CNTNAP3: variants seen among roughly 807,000 people sequenced by gnomAD.
CNTNAP3 encodes contactin-associated protein-like 3.
A neutral mutation model predicts 92.1 loss-of-function variants in CNTNAP3; 36 were observed. The observed-to-expected ratio is 0.39, with a 90% CI of 0.30 to 0.52. CNTNAP3 has a LOEUF of 0.52. CNTNAP3 is among the 20% of genes least tolerant of loss of function. CNTNAP3 has a pLI of 0.76. For synonymous variants in CNTNAP3, 232 were observed against 422.3 expected (o/e 0.55, Z 5.53); for missense variants, 534 against 1,069.6 (o/e 0.50, Z 6.98).
At chr9:39,077,943 C>A (rs1233108343) in intron 23 of CNTNAP3, among the ~76,000 whole-genome samples, 4 of 152,168 alleles carry the variant, frequency 2.6e-5, no homozygotes, top group Non-Finnish European at 5.9e-5. Context: ...TGGTGGCTCA[C>A]GCCTGTGATC....
intron 13 of CNTNAP3, among the ~76,000 whole-genome samples, chr9:39,125,249 A>G (rs1305851311): frequency 6.6e-6 from 1 of 152,068 alleles, no homozygotes; most frequent in Non-Finnish European, 1.5e-5. Context: ...TCAGCAAACT[A>G]CCGCAAGGAC....
chr9:39,087,917 T>C (rs747618767), intron 19 of CNTNAP3, among the ~76,000 whole-genome samples: 9 of 152,320 alleles, frequency 5.9e-5, no homozygotes, highest in Non-Finnish European at 1.0e-4. Flanking sequence ...TTTGAGAGGT[T>C]GTCATTACAC....
At chr9:39,097,312 C>T (rs1473040875) in intron 18 of CNTNAP3, among the ~76,000 whole-genome samples, 1 of 152,046 alleles carries the variant, frequency 6.6e-6, no homozygotes, top group Non-Finnish European at 1.5e-5. Flanking sequence ...CCTCCCTCTA[C>T]CTCTTGGTTG....
Position 39,068,112 on chromosome 9 carries a change from A to G in CNTNAP3, c.*5778T>C, listed in dbSNP as rs1373954803. Among the ~76,000 whole-genome samples the G allele has an allele frequency of 6.6e-6, 1 of 152,306 alleles. No homozygotes were observed. The highest frequency in any genetic ancestry group is 2.4e-5 in the African/African-American group (1 of 41,484). The stretch of plus-strand genomic sequence containing the variant: ...TATGCAGTGCATGTGCGATATTAAA[A>G]TTTCAGGGCGGGCGCAGTGGCTTAC... On this transcript the variant is annotated 3_prime_UTR_variant, in exon 24 of 24. Coordinates refer to ENST00000297668, the MANE Select transcript of CNTNAP3 (RefSeq NM_033655.5).
In CNTNAP3 at chr9:39,067,632, G is replaced by A. The variant is rs1176940103; in HGVS notation, c.*6258C>T. 4.6e-5 allele frequency among the ~76,000 whole-genome samples: 7 copies of A among 152,388 alleles called. No homozygotes were observed. Among genetic ancestry groups the A allele is most frequent in the Admixed American group, 1.3e-4 (2 of 15,302 alleles). On this transcript the variant is annotated 3_prime_UTR_variant, in exon 24 of 24. Coordinates refer to ENST00000297668, the MANE Select transcript of CNTNAP3 (RefSeq NM_033655.5). ...AGGATGGTCTCCATCTCCCGACCTCGTGATCTGCCTGCCTCGACCTCCCAA... is the reference window on the plus strand; with the variant it reads ...AGGATGGTCTCCATCTCCCGACCTCATGATCTGCCTGCCTCGACCTCCCAA...
At chr9:39,134,457 C>T (rs1278871477) in intron 12 of CNTNAP3, among the ~76,000 whole-genome samples, 2 of 151,452 alleles carry the variant, frequency 1.3e-5, no homozygotes, top group Admixed American at 6.6e-5. Flanking sequence ...AAGAGTCTCG[C>T]TCTGTTGCCC....
At chr9:39,118,970 T>A (rs983061362) in intron 13 of CNTNAP3, among the ~76,000 whole-genome samples, 1 of 152,046 alleles carries the variant, frequency 6.6e-6, no homozygotes, top group Non-Finnish European at 1.5e-5. Flanking sequence ...AACTGCATAT[T>A]AGGACAAGGG....
intron 18 of CNTNAP3, among the ~76,000 whole-genome samples, chr9:39,095,994 CTCTT>C (rs547022489): frequency 6.6e-6 from 1 of 151,496 alleles, no homozygotes; most frequent in Non-Finnish European, 1.5e-5. Context: ...ATTTCTAGTT[CTCTT>C]TCTTTGTTCC....
At chr9:39,206,700 T>A (rs1822575290) in intron 3 of CNTNAP3, among the ~76,000 whole-genome samples, 1 of 10,090 alleles carries the variant, frequency 9.9e-5, no homozygotes, top group African/African-American at 2.0e-4. Context: ...GTCGGCCCAC[T>A]TCACCATTTT....
chr9:39,131,755 G>T (rs573262659), intron 13 of CNTNAP3, among the ~76,000 whole-genome samples: 24 of 152,184 alleles, frequency 1.6e-4, no homozygotes, highest in Non-Finnish European at 2.8e-4. Context: ...GAATCCGGGA[G>T]GGGAGGGGGT....
At chr9:39,159,580 C>T (rs1042548276) in intron 9 of CNTNAP3, 1 of 139,738 alleles carries the variant, frequency 7.2e-6, no homozygotes, top group Non-Finnish European at 1.5e-5. Flanking sequence ...GATCCGCCGG[C>T]CTCAGCCTCC....
chr9:39,138,352 G>T (rs1200327105), intron 12 of CNTNAP3, among the ~76,000 whole-genome samples: 1 of 152,116 alleles, frequency 6.6e-6, no homozygotes, highest in Admixed American at 6.6e-5. Flanking sequence ...ACCTTCACAA[G>T]AGCTTCTCAG....
intron 13 of CNTNAP3, among the ~76,000 whole-genome samples, chr9:39,124,951 G>A (rs545711481): frequency 2.5e-4 from 38 of 152,158 alleles, no homozygotes; most frequent in Middle Eastern, 3.4e-3. Flanking sequence ...ACAGTGTTGC[G>A]ATTCCTCATG....
intron 14 of CNTNAP3, among the ~76,000 whole-genome samples, chr9:39,113,723 TTTG>T (rs1383112912): frequency 1.3e-5 from 2 of 152,048 alleles, no homozygotes; most frequent in Admixed American, 6.6e-5. Context: ...TTCCATAAAA[TTTG>T]TTAAGATTCC....
At chr9:39,100,259 T>A in intron 17 of CNTNAP3, 109 bp from the exon 18 acceptor site, 1 of 1,547,402 alleles carries the variant, frequency 6.5e-7, no homozygotes, top group Non-Finnish European at 8.7e-7. Flanking sequence ...TCACAATGTG[T>A]CAAAAAATTT....
intron 18 of CNTNAP3, among the ~76,000 whole-genome samples, chr9:39,092,000 C>G (rs1241633024): frequency 2.0e-5 from 3 of 150,792 alleles, no homozygotes. Context: ...CCTAGGAATT[C>G]GTCCATTTTA....
chr9:39,133,573 A>G (rs1473571065), intron 12 of CNTNAP3, among the ~76,000 whole-genome samples: 6 of 151,914 alleles, frequency 3.9e-5, no homozygotes, highest in South Asian at 4.2e-4. Flanking sequence ...GCACATACTC[A>G]CAGGTATGAT....
rs1311386801 is a variant in CNTNAP3, at chr9:39,103,850, G to A, written c.2430C>T (p.His810=). The A allele has an allele frequency of 7.4e-6, 12 of 1,610,944 alleles. 1 individual carries two copies. The highest frequency in any genetic ancestry group is 1.7e-5 in the Admixed American group (1 of 59,912). ...AGCACACGTCAGCAGTGAGTTCTCCGTGGAAAGCAGGGAAATGAAGGTATG... is the reference window on the plus strand; with the variant it reads ...AGCACACGTCAGCAGTGAGTTCTCCATGGAAAGCAGGGAAATGAAGGTATG... ...ETSYLHFPAF[H]GELTADVCFF... Residue 810 remains histidine (H), a synonymous_variant, in exon 16 of 24, where the codon CAC becomes CAT. Transcript: ENST00000297668.
rs985933303 is a variant in CNTNAP3 at position 39,071,746 on chromosome 9, CA to C, written c.*2143del. On this transcript the variant is annotated 3_prime_UTR_variant, in exon 24 of 24. Coordinates refer to ENST00000297668, the MANE Select transcript of CNTNAP3 (RefSeq NM_033655.5). ...ATATATATATTCATAGATATTTTTA[CA>C]TCTAGCAATCAGTAAATATTTATCT... Among the ~76,000 whole-genome samples the C allele has an allele frequency of 6.9e-6, 1 of 144,156 alleles. No individual in the cohort carries two copies. Among genetic ancestry groups the C allele is most frequent in the African/African-American group, 2.6e-5 (1 of 38,058 alleles). 94.6% of individuals were successfully genotyped at this position (144,156 alleles called of 152,430 possible). A position where few individuals can be genotyped will look rare whatever the true frequency, so the allele number is the denominator to read the frequency against.
Sources: gnomAD v4.1 joint callset for allele counts (sites outside exome capture counted in the v4.1 genomes callset) on GRCh38, gnomAD v4.1.1 for gene constraint, MANE v1.5 for transcripts, NCBI Gene and HGNC (gene_info 2026-07-23, HGNC 2026-07-21) for gene names.